TRAP1: variants seen among roughly 807,000 people sequenced by gnomAD.
TRAP1 encodes TNF receptor associated protein 1, also known as heat shock protein 75 kDa, mitochondrial.
In TRAP1, 102 loss-of-function variants were observed where a neutral mutation model predicts 89.1. The observed-to-expected ratio is 1.15, with a 90% CI of 0.98 to 1.35. The LOEUF is 1.35. TRAP1 is among the 40% of genes most tolerant of loss of function. TRAP1 has a pLI of 0.00. For missense variants in TRAP1, 1,256 were observed against 945.3 expected, an observed-to-expected ratio of 1.33 and a Z score of -4.31; for synonymous variants, 508 against 388.0, an observed-to-expected ratio of 1.31 and a Z score of -3.64.
intron 1 of TRAP1, among the ~76,000 whole-genome samples, chr16:3,694,350 CT>C (rs35104522): frequency 0.2 from 29,045 of 148,722 alleles, 3,032 homozygotes; most frequent in East Asian, 0.39. Context: ...GTATCTTTCT[CT>C]TTTTTTTTTT....
At position 3,703,751 on chromosome 16, in the gene TRAP1, T is replaced by C. The variant is rs150594953; in HGVS notation, c.89-12766A>G. ...AAAAGTTAGGCTGGGCGCGGTGGCT[T>C]ACGCCTGTAATCCCAGCACTTTGGG... On this transcript the variant is annotated intron_variant, in intron 1 of 17. Transcript: ENST00000246957. 7.9e-3 allele frequency among the ~76,000 whole-genome samples: 1,207 copies of C among 151,988 alleles called. 33 individuals are homozygous for C. Among genetic ancestry groups the C allele is most frequent in the African/African-American group, 0.026 (1,085 of 41,334 alleles).
At chr16:3,703,351 G>C (rs143690779) in intron 1 of TRAP1, among the ~76,000 whole-genome samples, 12 of 151,670 alleles carry the variant, frequency 7.9e-5, no homozygotes, top group African/African-American at 2.9e-4. Flanking sequence ...AACTACAGAC[G>C]TAAGGTAACA....
intron 11 of TRAP1, among the ~76,000 whole-genome samples, chr16:3,666,355 C>A (rs551814077): frequency 1.7e-5 from 2 of 119,368 alleles, no homozygotes; most frequent in African/African-American, 8.6e-5. Flanking sequence ...AGAACCGATG[C>A]CCCCAGAGAC....
intron 17 of TRAP1, 53 bp downstream of exon 17, chr16:3,658,740 T>TGGCA: frequency 6.5e-7 from 1 of 1,541,398 alleles, no homozygotes; most frequent in Admixed American, 1.8e-5. Context: ...GAAGGCAGGC[T>TGGCA]GGCAGGGCTG....
At chr16:3,669,130 C>T (rs930297743) in intron 11 of TRAP1, among the ~76,000 whole-genome samples, 6 of 152,196 alleles carry the variant, frequency 3.9e-5, no homozygotes, top group Non-Finnish European at 7.4e-5. Flanking sequence ...GGGACAACTC[C>T]AGCACCAGCA....
intron 1 of TRAP1, among the ~76,000 whole-genome samples, chr16:3,701,577 C>G (rs2051366004): frequency 6.7e-6 from 1 of 148,418 alleles, no homozygotes; most frequent in South Asian, 2.1e-4. Context: ...AATAGCCAGA[C>G]AGTCCAGAAG....
chr16:3,688,761 G>T (rs2051172117), intron 3 of TRAP1, among the ~76,000 whole-genome samples: 1 of 152,108 alleles, frequency 6.6e-6, no homozygotes, highest in Non-Finnish European at 1.5e-5. Flanking sequence ...TGAGTTCCCA[G>T]GCATGAGCCA....
At chr16:3,698,959 C>T (rs977316363) in intron 1 of TRAP1, among the ~76,000 whole-genome samples, 8 of 152,054 alleles carry the variant, frequency 5.3e-5, no homozygotes, top group African/African-American at 1.7e-4. Flanking sequence ...ATACCAAACA[C>T]GCTAGCTGTA....
At chr16:3,691,650 C>T (rs184313429) in intron 1 of TRAP1, among the ~76,000 whole-genome samples, 1 of 152,174 alleles carries the variant, frequency 6.6e-6, no homozygotes, top group Admixed American at 6.5e-5. Flanking sequence ...CACTTCTTTG[C>T]TCTTGACAGT....
At chr16:3,668,455 A>C (rs2050867416) in intron 11 of TRAP1, among the ~76,000 whole-genome samples, 1 of 152,242 alleles carries the variant, frequency 6.6e-6, no homozygotes, top group Admixed American at 6.5e-5. Context: ...AACATCTGTT[A>C]ATTACAAAGG....
At chr16:3,691,072 G>T in intron 1 of TRAP1, 87 bp from the exon 2 acceptor site, 3 of 1,280,318 alleles carry the variant, frequency 2.3e-6, no homozygotes, top group Non-Finnish European at 3.1e-6. Flanking sequence ...GTGTCTAGCA[G>T]AAGCTAGCGT....
intron 17 of TRAP1, chr16:3,658,433 T>A: frequency 1.7e-6 from 1 of 601,264 alleles, no homozygotes; most frequent in Non-Finnish European, 2.9e-6. Flanking sequence ...TTTCCGTTTT[T>A]AAAACAGAAT....
chr16:3,662,837 G>C (rs762374327), intron 15 of TRAP1, 45 bp downstream of exon 15: 4 of 1,594,028 alleles, frequency 2.5e-6, no homozygotes, highest in Non-Finnish European at 3.4e-6. Flanking sequence ...CAGCCTGTTA[G>C]GGACACTGCG....
chr16:3,681,306 C>G (rs55794514), intron 4 of TRAP1, among the ~76,000 whole-genome samples: 1 of 152,192 alleles, frequency 6.6e-6, no homozygotes, highest in Non-Finnish European at 1.5e-5. Flanking sequence ...GCACCAGGCG[C>G]CAGTGCTGTC....
chr16:3,666,952 A>G (rs1286075542), intron 11 of TRAP1, among the ~76,000 whole-genome samples: 1 of 152,184 alleles, frequency 6.6e-6, no homozygotes, highest in Admixed American at 6.5e-5. Flanking sequence ...ATGTATTTCA[A>G]TAATCCAGAG....
intron 3 of TRAP1, 151 bp downstream of exon 3, chr16:3,688,904 C>T (rs2051173890): frequency 1.7e-6 from 1 of 592,814 alleles, no homozygotes; most frequent in African/African-American, 1.9e-5. Flanking sequence ...GGTAAAACTC[C>T]TCTCACTGGT....
chr16:3,698,913 A>G (rs752887209), intron 1 of TRAP1, among the ~76,000 whole-genome samples: 1 of 152,146 alleles, frequency 6.6e-6, no homozygotes, highest in Non-Finnish European at 1.5e-5. Context: ...TTAAAAAAAA[A>G]ATAAACCATT....
chr16:3,658,281 A>ATT lies in TRAP1; in HGVS notation c.2014-53_2014-52dup, dbSNP rs35081909. 2,604 of 1,213,778 alleles carry ATT rather than the reference A, an allele frequency of 2.1e-3. 2 individuals carry two copies. Among genetic ancestry groups the ATT allele is most frequent in the South Asian group, 3.0e-3 (213 of 71,978 alleles). 75.2% of individuals were successfully genotyped at this position (1,213,778 alleles called of 1,614,324 possible). On this transcript the variant is annotated intron_variant, in intron 17 of 17. Coordinates refer to ENST00000246957, the MANE Select transcript of TRAP1 (RefSeq NM_016292.3). Reference sequence around the variant, plus strand: ...TATGAGGGGCATGGGGCACCTTTTCATTTTTTTTTTTTTGAGACAGAGTCT... The same window carrying ATT: ...TATGAGGGGCATGGGGCACCTTTTCATTTTTTTTTTTTTTTGAGACAGAGTCT...
At chr16:3,690,710 T>A in intron 2 of TRAP1, 117 bp downstream of exon 2, 1 of 1,134,292 alleles carries the variant, frequency 8.8e-7, no homozygotes, top group Non-Finnish European at 1.2e-6. Flanking sequence ...CAAGACCTTC[T>A]GATTTCACAC....
Sources: gnomAD v4.1 joint callset for allele counts (sites outside exome capture counted in the v4.1 genomes callset) on GRCh38, gnomAD v4.1.1 for gene constraint, MANE v1.5 for transcripts, NCBI Gene and HGNC (gene_info 2026-07-23, HGNC 2026-07-21) for gene names.